The following GPHN variants were observed in gnomAD, a reference collection of about 807,000 sequenced individuals.
The protein encoded by GPHN is gephyrin.
A neutral mutation model predicts 95.5 loss-of-function variants in GPHN; 17 were observed. The observed-to-expected ratio is 0.18, with a 90% CI of 0.12 to 0.27. The LOEUF (loss-of-function observed/expected upper bound fraction) is 0.27. Ranked by LOEUF, GPHN falls within the 10% of genes least tolerant of loss-of-function variation. The pLI is 1.00. For missense variants in GPHN, 660 were observed against 978.1 expected, an observed-to-expected ratio of 0.67 and a Z score of 4.34; for synonymous variants, 320 against 322.5, an observed-to-expected ratio of 0.99 and a Z score of 0.08.
chr14:67,182,520 GGTTA>G (rs1466666473), downstream of GPHN, among the ~76,000 whole-genome samples: 3 of 152,070 alleles, frequency 2.0e-5, no homozygotes, highest in Non-Finnish European at 2.9e-5. Context: ...AAGAAGATAA[GGTTA>G]GTTAATAGAG....
chr14:67,697,015 A>T, the GPHN span, among the ~76,000 whole-genome samples: 1 of 152,198 alleles, frequency 6.6e-6, no homozygotes. Flanking sequence ...TAATATTTGT[A>T]TTGGGTTTTA....
the GPHN span, chr14:67,651,567 C>T: frequency 2.1e-6 from 3 of 1,446,588 alleles, no homozygotes; most frequent in South Asian, 3.9e-5. Context: ...GGGACCACGG[C>T]TGGATACTCT....
chr14:67,672,463 T>G, the GPHN span, among the ~76,000 whole-genome samples: 1 of 137,230 alleles, frequency 7.3e-6, no homozygotes, highest in African/African-American at 2.8e-5. Flanking sequence ...TTTTTTTTTT[T>G]GATACAGAGT....
At chr14:66,819,304 A>ATT (rs1457645655) in intron 3 of GPHN, among the ~76,000 whole-genome samples, 13 of 152,130 alleles carry the variant, frequency 8.5e-5, no homozygotes, top group Non-Finnish European at 4.4e-5. Context: ...TTTTCTGCAT[A>ATT]TGGCTAGCCA....
the GPHN span, chr14:67,574,208 G>A: frequency 0.19 from 285,987 of 1,540,936 alleles, 27,286 homozygotes; most frequent in Middle Eastern, 0.25. The surrounding 1 kb of genome is among the most constrained non-coding windows in gnomAD (Gnocchi z 4.2). Context: ...TTCTCCCAGC[G>A]TGCTGCCCCA....
chr14:67,185,594 G>C (rs1195168892), downstream of GPHN, among the ~76,000 whole-genome samples: 1 of 152,140 alleles, frequency 6.6e-6, no homozygotes, highest in Non-Finnish European at 1.5e-5. Flanking sequence ...GTGTAAAAAA[G>C]TTAAGCAGTT....
chr14:66,764,178 G>T (rs1381835773), intron 2 of GPHN, among the ~76,000 whole-genome samples: 1 of 152,122 alleles, frequency 6.6e-6, no homozygotes, highest in Non-Finnish European at 1.5e-5. Flanking sequence ...TGGAAAAATT[G>T]TCTTCCATGA....
At chr14:66,732,982 C>T (rs1030072322) in intron 2 of GPHN, among the ~76,000 whole-genome samples, 2 of 152,144 alleles carry the variant, frequency 1.3e-5, no homozygotes, top group Middle Eastern at 3.4e-3. Context: ...TTGGGTGAGG[C>T]CAGGGGTGGA....
chr14:66,991,950 A>G (rs2071456720), intron 9 of GPHN, among the ~76,000 whole-genome samples: 1 of 152,050 alleles, frequency 6.6e-6, no homozygotes, highest in African/African-American at 2.4e-5. Flanking sequence ...CAGAATATAA[A>G]TCAAGGTAAA....
At chr14:67,519,961 G>T in the GPHN span, among the ~76,000 whole-genome samples, 2 of 152,096 alleles carry the variant, frequency 1.3e-5, no homozygotes, top group African/African-American at 4.8e-5. Flanking sequence ...AGCCTCAAGT[G>T]GTCCTCCCAC....
intron 3 of GPHN, among the ~76,000 whole-genome samples, chr14:66,802,518 C>T (rs1428941474): frequency 1.3e-5 from 2 of 152,156 alleles, no homozygotes; most frequent in African/African-American, 2.4e-5. Context: ...CTGCTTTTCT[C>T]AAGCAGAAGG....
chr14:66,556,175 G>C (rs2140227514), intron 1 of GPHN, among the ~76,000 whole-genome samples: 1 of 152,100 alleles, frequency 6.6e-6, no homozygotes, highest in Non-Finnish European at 1.5e-5. Flanking sequence ...TCATATATGT[G>C]GTCCATCATT....
intron 3 of GPHN, among the ~76,000 whole-genome samples, chr14:66,803,698 T>C (rs1325154336): frequency 6.6e-6 from 1 of 152,166 alleles, no homozygotes; most frequent in African/African-American, 2.4e-5. Flanking sequence ...TTCTTTTTTC[T>C]TGTTGTTTAC....
the GPHN span, among the ~76,000 whole-genome samples, chr14:67,574,740 C>A: frequency 4.6e-5 from 7 of 152,150 alleles, no homozygotes; most frequent in South Asian, 1.2e-3. This position sits in a 1 kb window ranked among gnomAD's most constrained non-coding sequence, Gnocchi z 4.2. Context: ...GAGGCCTGGG[C>A]GAGGTAGGTA....
At chr14:66,881,234 T>C (rs1183449496) in intron 5 of GPHN, among the ~76,000 whole-genome samples, 1 of 151,900 alleles carries the variant, frequency 6.6e-6, no homozygotes, top group Non-Finnish European at 1.5e-5. Context: ...AAATAAAGAA[T>C]TAAAGTACCA....
chr14:67,653,185 G>A, the GPHN span, among the ~76,000 whole-genome samples: 1 of 152,130 alleles, frequency 6.6e-6, no homozygotes, highest in Non-Finnish European at 1.5e-5. Flanking sequence ...TCCTTTCAGT[G>A]GAGAAATTTT....
At chr14:67,554,239 T>C in the GPHN span, among the ~76,000 whole-genome samples, 1 of 152,112 alleles carries the variant, frequency 6.6e-6, no homozygotes, top group East Asian at 1.9e-4. Context: ...TGGGGGGTCC[T>C]GCTCATCTAC....
chr14:67,370,174 G>A, the GPHN span, among the ~76,000 whole-genome samples: 1 of 152,234 alleles, frequency 6.6e-6, no homozygotes, highest in Non-Finnish European at 1.5e-5. Context: ...TCTGCCCTGG[G>A]CGGGCCAGGT....
chr14:67,321,617 C>T, the GPHN span, among the ~76,000 whole-genome samples: 3 of 152,094 alleles, frequency 2.0e-5, no homozygotes, highest in East Asian at 3.8e-4. Context: ...TTTATATACA[C>T]CTTATTTACT....
Sources: gnomAD v4.1 joint callset for allele counts (sites outside exome capture counted in the v4.1 genomes callset) on GRCh38, gnomAD v4.1.1 for gene constraint, Gnocchi (gnomAD v3.1) non-coding constraint, MANE v1.5 for transcripts, NCBI Gene and HGNC (gene_info 2026-07-23, HGNC 2026-07-21) for gene names.